Variants in ADAMTS3 observed in about 807,000 individuals in gnomAD.
ADAMTS3 encodes the protein A disintegrin and metalloproteinase with thrombospondin motifs 3.
Under a neutral mutation model 129.0 loss-of-function variants are expected in ADAMTS3, and 73 were observed. That is an observed-to-expected ratio of 0.57 (90% CI 0.47 to 0.69). The LOEUF (loss-of-function observed/expected upper bound fraction) is 0.69. Among genes scored for constraint, ADAMTS3 ranks in the 30% least tolerant of loss-of-function variants. ADAMTS3 has a pLI of 0.00. For synonymous variants in ADAMTS3, 477 were observed against 510.8 expected (o/e 0.93, Z 0.89); for missense variants, 1,457 against 1,514.5 (o/e 0.96, Z 0.63).
chr4:72,534,323 T>C (rs938844982), intron 3 of ADAMTS3, among the ~76,000 whole-genome samples: 10 of 149,310 alleles, frequency 6.7e-5, no homozygotes, highest in Non-Finnish European at 1.0e-4. Context: ...CGAGACTCCG[T>C]CTCAAAAAAA....
At chr4:72,298,494 G>A (rs1364934003) in intron 17 of ADAMTS3, 52 bp from the exon 18 acceptor site, 1 of 1,382,024 alleles carries the variant, frequency 7.2e-7, no homozygotes, top group Non-Finnish European at 9.8e-7. Context: ...TTTAAATTTT[G>A]AGTGTAAAAT....
intron 3 of ADAMTS3, among the ~76,000 whole-genome samples, chr4:72,469,476 G>A (rs148783875): frequency 6.6e-6 from 1 of 152,228 alleles, no homozygotes; most frequent in African/African-American, 2.4e-5. Context: ...GGGTTAACAT[G>A]TGAGTACAAT....
intron 3 of ADAMTS3, among the ~76,000 whole-genome samples, chr4:72,456,093 T>C (rs1290826115): frequency 4.7e-4 from 3 of 6,378 alleles, no homozygotes; most frequent in Non-Finnish European, 1.0e-3. Flanking sequence ...ATATATTTTA[T>C]ATATATAGTA....
intron 4 of ADAMTS3, among the ~76,000 whole-genome samples, chr4:72,411,585 C>G (rs1033920951): frequency 1.3e-5 from 2 of 151,990 alleles, no homozygotes; most frequent in African/African-American, 4.8e-5. Context: ...TAATCTCTAC[C>G]CATCCCTACC....
rs151132916 is a variant in ADAMTS3, at chr4:72,348,903, T to C, written c.662-9210A>G. ...CCTGAATGAGCCTGGAAATGGACTATTTCCCAGATCCTTCAGATAAGACTT... is the reference window on the plus strand; with the variant it reads ...CCTGAATGAGCCTGGAAATGGACTACTTCCCAGATCCTTCAGATAAGACTT... On this transcript the variant is annotated intron_variant, in intron 4 of 21. Transcript: ENST00000286657. 3.5e-3 allele frequency among the ~76,000 whole-genome samples: 533 copies of C among 152,026 alleles called. 1 individual carries two copies. Among genetic ancestry groups the C allele is most frequent in the Non-Finnish European group, 6.0e-3 (411 of 67,938 alleles).
intron 3 of ADAMTS3, among the ~76,000 whole-genome samples, chr4:72,460,604 C>CA (rs1309894504): frequency 1.3e-5 from 2 of 150,698 alleles, no homozygotes; most frequent in Non-Finnish European, 3.0e-5. Context: ...CAATTACTAT[C>CA]AAAAAAACCA....
intron 4 of ADAMTS3, among the ~76,000 whole-genome samples, chr4:72,360,146 A>G (rs973124887): frequency 4.6e-5 from 7 of 152,072 alleles, no homozygotes. Flanking sequence ...CTGCTTTAAT[A>G]CCATTAACTT....
chr4:72,521,852 A>T (rs954612025), intron 3 of ADAMTS3, among the ~76,000 whole-genome samples: 2 of 152,360 alleles, frequency 1.3e-5, no homozygotes, highest in South Asian at 4.1e-4. Flanking sequence ...GCTTTCAGTA[A>T]GCAAATAAAA....
At chr4:72,331,163 G>A (rs373862627) in intron 5 of ADAMTS3, among the ~76,000 whole-genome samples, 3 of 152,154 alleles carry the variant, frequency 2.0e-5, no homozygotes, top group African/African-American at 2.4e-5. Context: ...GTTGTGTTAC[G>A]TTAAGGTAAC....
At chr4:72,306,163 C>A in intron 15 of ADAMTS3, 96 bp from the exon 16 acceptor site, 2 of 756,814 alleles carry the variant, frequency 2.6e-6, no homozygotes, top group African/African-American at 1.8e-5. Flanking sequence ...CTTCTGCGTG[C>A]AGAAGAGGGC....
intron 3 of ADAMTS3, among the ~76,000 whole-genome samples, chr4:72,481,943 A>T (rs1719447616): frequency 6.6e-6 from 1 of 152,144 alleles, no homozygotes; most frequent in African/African-American, 2.4e-5. Flanking sequence ...AATCCAAATT[A>T]AAAGAACAGT....
intron 3 of ADAMTS3, among the ~76,000 whole-genome samples, chr4:72,488,941 C>T (rs924893024): frequency 7.2e-5 from 11 of 151,960 alleles, no homozygotes; most frequent in African/African-American, 2.7e-4. Flanking sequence ...CCATTTTCTC[C>T]TCATCATGAC....
intron 2 of ADAMTS3, among the ~76,000 whole-genome samples, chr4:72,561,920 AG>A: frequency 6.6e-6 from 1 of 151,810 alleles, no homozygotes; most frequent in Non-Finnish European, 1.5e-5. Flanking sequence ...ACAGTTAGTC[AG>A]CAAAGTCATG....
At chr4:72,554,175 T>C (rs1721709425) in intron 2 of ADAMTS3, among the ~76,000 whole-genome samples, 1 of 152,256 alleles carries the variant, frequency 6.6e-6, no homozygotes, top group South Asian at 2.1e-4. Flanking sequence ...ATTTGTGATA[T>C]GCATATAAAT....
At chr4:72,451,698 C>A (rs939398747) in intron 3 of ADAMTS3, among the ~76,000 whole-genome samples, 1 of 150,116 alleles carries the variant, frequency 6.7e-6, no homozygotes, top group African/African-American at 2.5e-5. Flanking sequence ...ATATCTCTGA[C>A]AAGATTTTTC....
intron 21 of ADAMTS3, among the ~76,000 whole-genome samples, chr4:72,287,954 C>T (rs1718554216): frequency 6.6e-6 from 1 of 152,192 alleles, no homozygotes; most frequent in Non-Finnish European, 1.5e-5. Context: ...CAACCTCTGT[C>T]TCCTGGGTTC....
intron 3 of ADAMTS3, among the ~76,000 whole-genome samples, chr4:72,429,514 T>A (rs1017752263): frequency 2.0e-5 from 3 of 152,060 alleles, no homozygotes; most frequent in Admixed American, 2.0e-4. Context: ...AACTTTTTGA[T>A]CTTAGACATT....
chr4:72,567,534 C>T, intron 1 of ADAMTS3, 133 bp from the exon 2 acceptor site: 2 of 833,440 alleles, frequency 2.4e-6, no homozygotes, highest in South Asian at 3.5e-5. Flanking sequence ...GGATTGGTGC[C>T]TAAAGCCTGC....
At chr4:72,566,112 G>GT (rs1433024096) in intron 2 of ADAMTS3, among the ~76,000 whole-genome samples, 2 of 152,098 alleles carry the variant, frequency 1.3e-5, no homozygotes, top group African/African-American at 4.8e-5. Flanking sequence ...CATAAACACT[G>GT]TACTTTTAGG....
Sources: gnomAD v4.1 joint callset for allele counts (sites outside exome capture counted in the v4.1 genomes callset) on GRCh38, gnomAD v4.1.1 for gene constraint, MANE v1.5 for transcripts, NCBI Gene and HGNC (gene_info 2026-07-23, HGNC 2026-07-21) for gene names.